The following CRELD1 variants were observed in gnomAD, a reference collection of about 807,000 sequenced individuals.
The protein encoded by CRELD1 is protein disulfide isomerase CRELD1.
CRELD1 carries 42 observed loss-of-function variants against 58.2 expected under a neutral mutation model. The ratio of observed to expected loss-of-function variants is 0.72; its 90% CI spans 0.56 to 0.93. CRELD1 has a LOEUF of 0.93. CRELD1 is among the 40% of genes least tolerant of loss of function. The pLI, the probability that CRELD1 is intolerant of heterozygous loss-of-function variation, is 0.00. For synonymous variants in CRELD1, 222 were observed against 202.0 expected (o/e 1.10, Z -0.84); for missense variants, 500 against 540.6 (o/e 0.92, Z 0.74).
At position 9,943,530 on chromosome 3, in the gene CRELD1, G is replaced by A. The variant is rs201180593; in HGVS notation, c.1048+15G>A. ...GCAGATCCCAGGTGAGCCCTGGGGC[G>A]GGAGAGGGGAGGTCCTCATTCAAAG... On this transcript the variant is annotated intron_variant, in intron 10 of 10. Coordinates refer to ENST00000452070, the MANE Select transcript of CRELD1 (RefSeq NM_001077415.3). 69 of 1,613,948 alleles carry A rather than the reference G, an allele frequency of 4.3e-5. No homozygotes were observed. The Middle Eastern group carries it at 8.2e-4, about 19-fold the overall frequency.
chr3:9,934,076 C>T (rs1054068861), intron 1 of CRELD1, 156 bp downstream of exon 1: 7 of 360,438 alleles, frequency 1.9e-5, no homozygotes, highest in African/African-American at 8.4e-5. Flanking sequence ...GCCTCCTCTC[C>T]TTCAGTACTT....
At chr3:9,937,070 A>G (rs75546240) in intron 3 of CRELD1, among the ~76,000 whole-genome samples, 1 of 152,276 alleles carries the variant, frequency 6.6e-6, no homozygotes, top group African/African-American at 2.4e-5. Context: ...TTGGGTCTAT[A>G]TCCAGTAGTG....
intron 5 of CRELD1, chr3:9,938,421 G>T: frequency 2.7e-6 from 1 of 364,692 alleles, no homozygotes; most frequent in South Asian, 2.7e-5. Flanking sequence ...GGCGGGTGCT[G>T]ACCTGGAGCC....
intron 5 of CRELD1, among the ~76,000 whole-genome samples, chr3:9,940,306 C>T (rs1220222838): frequency 6.6e-6 from 1 of 152,256 alleles, no homozygotes; most frequent in Non-Finnish European, 1.5e-5. Context: ...CTTTGGGAGG[C>T]CAAGGCAGGC....
At chr3:9,944,059 A>G (rs751653302) in intron 10 of CRELD1, 9 of 804,054 alleles carry the variant, frequency 1.1e-5, no homozygotes, top group South Asian at 2.7e-5. Context: ...TGGGATCCCA[A>G]TCCAGACAGT....
intron 5 of CRELD1, 104 bp downstream of exon 5, chr3:9,938,210 T>TA: frequency 1.1e-6 from 1 of 880,482 alleles, no homozygotes; most frequent in Non-Finnish European, 1.8e-6. Flanking sequence ...GCTACTCAGA[T>TA]AAACTTCTCT....
At chr3:9,944,043 C>A (rs765150592) in intron 10 of CRELD1, 2 of 826,830 alleles carry the variant, frequency 2.4e-6, no homozygotes, top group Non-Finnish European at 4.3e-6. Flanking sequence ...AAGCAAGTCG[C>A]AAAGCTGGGA....
At chr3:9,937,767 GCCC>G in intron 4 of CRELD1, 95 bp downstream of exon 4, 1 of 913,360 alleles carries the variant, frequency 1.1e-6, no homozygotes, top group East Asian at 2.6e-5. Context: ...GCATGCTGGG[GCCC>G]ATGTCCTGGT....
intron 5 of CRELD1, among the ~76,000 whole-genome samples, chr3:9,939,189 G>A (rs1049941373): frequency 2.7e-5 from 4 of 147,318 alleles, no homozygotes; most frequent in African/African-American, 7.4e-5. Flanking sequence ...ATAAATAAAA[G>A]GTCTGTAAAA....
intron 3 of CRELD1, chr3:9,935,645 A>G (rs1169846922): frequency 6.6e-6 from 1 of 152,246 alleles, no homozygotes; most frequent in African/African-American, 2.4e-5. Context: ...AGAGAGAACA[A>G]TAGGACCTGG....
rs762892698 is a variant in CRELD1, at chr3:9,938,036, C to G, written c.390C>G (p.Leu130=). Residue 130 remains leucine, a synonymous_variant, in exon 5 of 11, where the codon CTC becomes CTG. Transcript: ENST00000452070. The part of the protein sequence containing the change: ...WFHKQQEAPD[L]FQWLCSDSLK... ...TCAGGCAGCAGGAGGCCCCGGACCT[C>G]TTCCAGTGGCTGTGCTCAGATTCCC... 2.5e-6 allele frequency: 4 copies of G among 1,613,886 alleles called. No homozygotes were observed. In the African/African-American group the frequency reaches 5.3e-5, roughly 22 times the overall value.
intron 5 of CRELD1, 110 bp from the exon 6 acceptor site, chr3:9,940,738 GGA>G (rs2085340636): frequency 1.8e-5 from 12 of 678,394 alleles, no homozygotes; most frequent in South Asian, 3.2e-5. Flanking sequence ...GAGGGGGAGG[GGA>G]GGGGGGGAGG....
rs1373010963 is a variant in CRELD1, at chr3:9,934,921, AG to A, written c.257+8del. 6.2e-7 allele frequency: 1 copy of A among 1,607,626 alleles called. No individual in the cohort carries two copies. The highest frequency in any genetic ancestry group is 1.3e-5 in the African/African-American group (1 of 74,800). ...ATTTGTCCAAATACAAAGACAGGTA[AG>A]GGGCTGCTGGGGGAAGGGGTGTATA... On this transcript the variant is annotated splice_donor_5th_base_variant and intron_variant, in intron 3 of 10. Transcript: ENST00000452070.
intron 10 of CRELD1, chr3:9,943,870 C>T (rs764077217): frequency 1.9e-6 from 3 of 1,613,766 alleles, no homozygotes; most frequent in East Asian, 4.5e-5. Flanking sequence ...GGACCATTTC[C>T]CCAGCAATTA....
intron 7 of CRELD1, 111 bp downstream of exon 7, chr3:9,941,317 G>C: frequency 1.1e-6 from 1 of 921,458 alleles, no homozygotes; most frequent in African/African-American, 1.7e-5. Context: ...CCTTCATGGA[G>C]ATCTCAACCT....
At chr3:9,937,233 C>T (rs2085220506) in intron 3 of CRELD1, among the ~76,000 whole-genome samples, 1 of 152,168 alleles carries the variant, frequency 6.6e-6, no homozygotes, top group Non-Finnish European at 1.5e-5. Context: ...GTATTTTTAG[C>T]CATATCTACC....
intron 5 of CRELD1, among the ~76,000 whole-genome samples, chr3:9,939,442 C>A (rs1016310174): frequency 6.6e-6 from 1 of 152,046 alleles, no homozygotes; most frequent in African/African-American, 2.4e-5. Context: ...AACAAGTGAA[C>A]AAAGGTCTCT....
intron 10 of CRELD1, chr3:9,943,800 G>C (rs778738009): frequency 1.2e-6 from 2 of 1,611,076 alleles, no homozygotes; most frequent in African/African-American, 2.7e-5. Context: ...CTGGCCTGCT[G>C]AGAGCTGTCC....
At position 9,945,306 on chromosome 3, in the gene CRELD1, C is replaced by G. The variant is rs913195830; in HGVS notation, c.*727C>G. 1 of 155,500 alleles carries G rather than the reference C, an allele frequency of 6.4e-6. No individual in the cohort carries two copies. The highest frequency in any genetic ancestry group is 2.4e-5 in the African/African-American group (1 of 41,448). 9.6% of individuals were successfully genotyped at this position (155,500 alleles called of 1,614,324 possible). ...GGCTTCATAATGCTTTCCACTCAGG[C>G]TTAACATGAGAATTAAATGAGGTGA... On this transcript the variant is annotated 3_prime_UTR_variant, in exon 11 of 11. Coordinates refer to ENST00000452070, the MANE Select transcript of CRELD1 (RefSeq NM_001077415.3).
Sources: allele counts gnomAD v4.1 joint callset (sites outside exome capture counted in the v4.1 genomes callset), GRCh38; gene constraint gnomAD v4.1.1; transcripts MANE v1.5; gene names NCBI Gene and HGNC (gene_info 2026-07-23, HGNC 2026-07-21).